The following TSPAN12 variants were observed in gnomAD, a reference collection of about 807,000 sequenced individuals.
TSPAN12 encodes the protein tetraspanin-12.
Under a neutral mutation model 39.2 loss-of-function variants are expected in TSPAN12, and 19 were observed. The ratio of observed to expected loss-of-function variants is 0.49; its 90% CI spans 0.34 to 0.71. The LOEUF (loss-of-function observed/expected upper bound fraction) is 0.71. Among genes scored for constraint, TSPAN12 ranks in the 30% least tolerant of loss-of-function variants. The probability of loss-of-function intolerance (pLI) is 0.01; values close to 1 mark genes in which losing one functional copy is unlikely to be tolerated. For synonymous variants in TSPAN12, 119 were observed against 124.8 expected (o/e 0.95, Z 0.31); for missense variants, 314 against 359.9 (o/e 0.87, Z 1.03).
chr7:120,845,528 A>G (rs1716541009), intron 2 of TSPAN12, among the ~76,000 whole-genome samples: 1 of 152,186 alleles, frequency 6.6e-6, no homozygotes, highest in Admixed American at 6.5e-5. Flanking sequence ...GCCAAATCTT[A>G]AACACTTTCC....
At chr7:120,797,598 C>T (rs901107447) in intron 7 of TSPAN12, among the ~76,000 whole-genome samples, 32 of 152,194 alleles carry the variant, frequency 2.1e-4, no homozygotes, top group Admixed American at 1.3e-3. Flanking sequence ...CATGGAATAC[C>T]TGACAAGAAC....
rs1008930806 is a variant in TSPAN12 at position 120,788,261 on chromosome 7, C to T, written c.*331G>A. Reference sequence around the variant, plus strand: ...TCAACCTTTACTATGGCTCCAGTCCCACCATATGTGACTCGTTTGCATGGA... The same window carrying T: ...TCAACCTTTACTATGGCTCCAGTCCTACCATATGTGACTCGTTTGCATGGA... On this transcript the variant is annotated 3_prime_UTR_variant, in exon 8 of 8. Transcript: ENST00000222747. The T allele has an allele frequency of 1.1e-4, 40 of 352,620 alleles. No homozygotes were observed. The highest frequency in any genetic ancestry group is 5.0e-4 in the South Asian group (18 of 36,024). The allele number at this position is 352,620 out of a possible 1,614,324, so 21.8% of individuals were successfully genotyped here. A position where few individuals can be genotyped will look rare whatever the true frequency, so the allele number is the denominator to read the frequency against.
chr7:120,803,611 C>G (rs1793815193), intron 7 of TSPAN12, among the ~76,000 whole-genome samples: 1 of 152,082 alleles, frequency 6.6e-6, no homozygotes, highest in South Asian at 2.1e-4. Flanking sequence ...TTGTAAAATG[C>G]AAAAGCAGGT....
rs200916906 is a variant in TSPAN12, at chr7:120,815,695, T to C, written c.360+34A>G. The C allele has an allele frequency of 2.5e-6, 4 of 1,580,810 alleles. No individual in the cohort carries two copies. The Admixed American group carries it at 5.1e-5, about 20-fold the overall frequency. ...TCTAATTTAAAAGGCTGAACTGTTG[T>C]TTTAGATTGTGATTATATCTATTTT... On this transcript the variant is annotated intron_variant, in intron 5 of 7. Coordinates refer to ENST00000222747, the MANE Select transcript of TSPAN12 (RefSeq NM_012338.4).
chr7:120,816,604 G>C (rs1397317984), intron 4 of TSPAN12, among the ~76,000 whole-genome samples: 2 of 152,124 alleles, frequency 1.3e-5, no homozygotes, highest in Admixed American at 6.6e-5. Context: ...GGGGTGGTCA[G>C]AAAGAGGAAT....
intron 6 of TSPAN12, among the ~76,000 whole-genome samples, chr7:120,808,687 A>G (rs1233905837): frequency 2.0e-5 from 3 of 152,276 alleles, no homozygotes; most frequent in Non-Finnish European, 1.5e-5. Flanking sequence ...AACAAACGTC[A>G]CTGGGGCTTA....
At chr7:120,826,420 A>T (rs555625308) in intron 4 of TSPAN12, among the ~76,000 whole-genome samples, 1 of 152,320 alleles carries the variant, frequency 6.6e-6, no homozygotes, top group Middle Eastern at 3.4e-3. Context: ...TAAGTCAGCT[A>T]AAGTGTGCAA....
intron 2 of TSPAN12, among the ~76,000 whole-genome samples, chr7:120,853,950 A>C (rs149772535): frequency 6.6e-6 from 1 of 152,302 alleles, no homozygotes; most frequent in African/African-American, 2.4e-5. Flanking sequence ...ATTGTATAGA[A>C]ACAGATAACA....
chr7:120,844,903 C>T (rs186103767), intron 2 of TSPAN12, among the ~76,000 whole-genome samples: 46 of 152,342 alleles, frequency 3.0e-4, no homozygotes, highest in South Asian at 6.2e-4. Context: ...CATTTCCCTT[C>T]GGCACTGCTC....
At chr7:120,833,566 G>A (rs1214155758) in intron 4 of TSPAN12, among the ~76,000 whole-genome samples, 1 of 151,996 alleles carries the variant, frequency 6.6e-6, no homozygotes, top group Admixed American at 6.6e-5. Flanking sequence ...CAAAGTCTCT[G>A]GAAAAATAAA....
At chr7:120,803,206 C>A (rs1417180831) in intron 7 of TSPAN12, among the ~76,000 whole-genome samples, 1 of 152,156 alleles carries the variant, frequency 6.6e-6, no homozygotes. Context: ...GGTCTTCCTT[C>A]TATTGATTCA....
chr7:120,853,471 GATATAT>G (rs375897054), intron 2 of TSPAN12, among the ~76,000 whole-genome samples: 91 of 138,144 alleles, frequency 6.6e-4, no homozygotes, highest in African/African-American at 1.9e-3. Flanking sequence ...AAGAAATGCA[GATATAT>G]ATATATATAT....
chr7:120,814,097 T>C (rs539020899), intron 5 of TSPAN12: 1 of 426,554 alleles, frequency 2.3e-6, no homozygotes, highest in East Asian at 7.0e-5. Flanking sequence ...AATTGGAGTG[T>C]GCAGAGTAGC....
At chr7:120,852,641 T>C (rs897977602) in intron 2 of TSPAN12, among the ~76,000 whole-genome samples, 2 of 152,320 alleles carry the variant, frequency 1.3e-5, no homozygotes, top group African/African-American at 4.8e-5. Context: ...AGAAGCACTG[T>C]TCTAGAGAAC....
rs1161464675 is a variant in TSPAN12, at chr7:120,788,578, T to C, written c.*14A>G. The C allele has an allele frequency of 1.2e-6, 2 of 1,614,118 alleles. No individual in the cohort carries two copies. The highest frequency in any genetic ancestry group is 1.7e-6 in the Non-Finnish European group (2 of 1,179,934). On this transcript the variant is annotated 3_prime_UTR_variant, in exon 8 of 8. Coordinates refer to ENST00000222747, the MANE Select transcript of TSPAN12 (RefSeq NM_012338.4). ...GTAAAACAAGTTTGTGGTTTTCTTC[T>C]GTGACATTTCTTTTTATAACTCCTC...
chr7:120,794,142 G>C lies in TSPAN12; in HGVS notation c.613-5245C>G, dbSNP rs76506294. On this transcript the variant is annotated intron_variant, in intron 7 of 7. Transcript: ENST00000222747. Reference sequence around the variant, plus strand: ...TTTATTATTAATTTACTGTATTTTTGTTGTATGCTGCCCTATATCCTTTAA... The same window carrying C: ...TTTATTATTAATTTACTGTATTTTTCTTGTATGCTGCCCTATATCCTTTAA... Among the ~76,000 whole-genome samples the C allele has an allele frequency of 9.2e-3, 1,400 of 152,168 alleles. 25 individuals are homozygous for C. The highest frequency in any genetic ancestry group is 0.032 in the African/African-American group (1,321 of 41,506).
Position 120,815,786 on chromosome 7 carries a change from A to G in TSPAN12, c.303T>C (p.Leu101=). The part of the protein sequence containing the change: ...LLLAWYFGSL[L]VIFCVELACG... ...AAGCCAGTTCTACACAGAAAATGAC[A>G]AGCAAACTTCCAAAGTACTGTAGAA... Residue 101 remains leucine, a synonymous_variant, in exon 5 of 8, where the codon CTT becomes CTC. Transcript: ENST00000222747. 6.2e-7 allele frequency: 1 copy of G among 1,612,930 alleles called. No homozygotes were observed. Among genetic ancestry groups the G allele is most frequent in the African/African-American group, 1.3e-5 (1 of 75,034 alleles).
chr7:120,800,816 T>C (rs1331170836), intron 7 of TSPAN12, among the ~76,000 whole-genome samples: 2 of 142,406 alleles, frequency 1.4e-5, no homozygotes, highest in Non-Finnish European at 3.0e-5. Context: ...TGGCACAATC[T>C]AGGCTCACTG....
At chr7:120,819,550 G>C (rs1234948250) in intron 4 of TSPAN12, among the ~76,000 whole-genome samples, 1 of 152,044 alleles carries the variant, frequency 6.6e-6, no homozygotes, top group Non-Finnish European at 1.5e-5. Context: ...CTTTGAGGTT[G>C]AAAAGACAAG....
Sources: allele counts gnomAD v4.1 joint callset (sites outside exome capture counted in the v4.1 genomes callset), GRCh38; gene constraint gnomAD v4.1.1; transcripts MANE v1.5; gene names NCBI Gene and HGNC (gene_info 2026-07-23, HGNC 2026-07-21).